AHSG: variants seen among roughly 807,000 people sequenced by gnomAD.
AHSG encodes the protein alpha-2-HS-glycoprotein.
AHSG carries 23 observed loss-of-function variants against 30.1 expected under a neutral mutation model. That is an observed-to-expected ratio of 0.76 (90% CI 0.55 to 1.08). AHSG has a LOEUF of 1.08. Among genes scored for constraint, AHSG ranks in the 50% least tolerant of loss-of-function variants. The pLI, the probability that AHSG is intolerant of heterozygous loss-of-function variation, is 0.00. For synonymous variants in AHSG, 164 were observed against 186.3 expected (o/e 0.88, Z 0.98); for missense variants, 469 against 459.5 (o/e 1.02, Z -0.19).
rs760347617 is a variant in AHSG, at chr3:186,620,580, T to G, written c.760-6T>G. 6.3e-7 allele frequency: 1 copy of G among 1,585,254 alleles called. No individual in the cohort carries two copies. Among genetic ancestry groups the G allele is most frequent in the Non-Finnish European group, 8.6e-7 (1 of 1,159,884 alleles). On this transcript the variant is annotated splice_polypyrimidine_tract_variant and splice_region_variant and intron_variant, in intron 6 of 6. Transcript: ENST00000411641. ...AACTAACTGAAGGAAATGGTCCTTTTTCCAGCCCGTGAGCTCACAGCCCCA... is the reference window on the plus strand; with the variant it reads ...AACTAACTGAAGGAAATGGTCCTTTGTCCAGCCCGTGAGCTCACAGCCCCA...
At chr3:186,618,035 CT>C (rs1189285809) in intron 4 of AHSG, 1 of 158,300 alleles carries the variant, frequency 6.3e-6, no homozygotes, top group East Asian at 1.8e-4. Flanking sequence ...GCTCCAACTA[CT>C]TTAAAAAAGA....
rs750484262 is a variant in AHSG at position 186,613,272 on chromosome 3, C to T, written c.131C>T (p.Ala44Val). 8 of 1,614,046 alleles carry T rather than the reference C, an allele frequency of 5.0e-6. No homozygotes were observed. The change falls in exon 1 of 7, where the codon GCT (alanine) becomes GTT (valine). Residue 44 changes from alanine (A) to valine (V), a missense_variant. By Grantham distance (64) the Ala-to-Val change is moderately conservative. Coordinates refer to ENST00000411641, the MANE Select transcript of AHSG (RefSeq NM_001622.4). ...DPETEEAALVAIDYINQNLPW... is the reference protein window; with the variant it reads ...DPETEEAALVVIDYINQNLPW... ...GAAACTGAGGAAGCAGCTCTGGTGG[C>T]TATAGACTACATCAATCAAAACCTT... is the stretch of plus-strand genomic sequence containing the variant.
chr3:186,615,711 T>C lies in AHSG; in HGVS notation c.240T>C (p.Ile80=). 1.2e-6 allele frequency: 2 copies of C among 1,614,236 alleles called. No homozygotes were observed. Among genetic ancestry groups the C allele is most frequent in the African/African-American group, 1.3e-5 (1 of 75,062 alleles). ...PQQPSGELFE[I]EIDTLETTCH... is the part of the protein sequence containing the mutation. ...AGCCCTCCGGAGAGCTGTTTGAGAT[T>C]GAAATAGACACCCTGGAAACCACCT... The change falls in exon 2 of 7, where the codon ATT becomes ATC. Residue 80 remains isoleucine (I), a synonymous_variant. Transcript: ENST00000411641.
At position 186,613,196 on chromosome 3, in the gene AHSG, G is replaced by A; in HGVS notation, c.55G>A (p.Ala19Thr). ...CLAQLWGCHS[A>T]PHGPGLIYRQ... ...TGCTCAGCTCTGGGGCTGCCACTCA[G>A]CCCCACATGGCCCAGGGCTGATTTA... Residue 19 changes from alanine (A) to threonine (T), a missense_variant, in exon 1 of 7, where the codon GCC becomes ACC. Physicochemically the swap from Ala to Thr is moderately conservative, Grantham distance 58. Coordinates refer to ENST00000411641, the MANE Select transcript of AHSG (RefSeq NM_001622.4). The A allele has an allele frequency of 1.2e-6, 2 of 1,614,056 alleles. No individual in the cohort carries two copies. The highest frequency in any genetic ancestry group is 1.7e-6 in the Non-Finnish European group (2 of 1,179,996).
intron 1 of AHSG, among the ~76,000 whole-genome samples, chr3:186,614,269 C>A (rs1323080958): frequency 3.9e-5 from 6 of 152,162 alleles, no homozygotes; most frequent in Non-Finnish European, 7.3e-5. Flanking sequence ...GTATTACAAG[C>A]CTTCCTTGGA....
At chr3:186,615,166 A>G (rs1716259938) in intron 1 of AHSG, among the ~76,000 whole-genome samples, 1 of 152,022 alleles carries the variant, frequency 6.6e-6, no homozygotes, top group African/African-American at 2.4e-5. Context: ...GAAGGAAGGA[A>G]AGCAAATAAT....
At chr3:186,618,242 G>A (rs764296958) in intron 4 of AHSG, among the ~76,000 whole-genome samples, 8 of 152,152 alleles carry the variant, frequency 5.3e-5, no homozygotes, top group Non-Finnish European at 1.2e-4. Context: ...GTCTAATGCT[G>A]GCCTTCTGAT....
rs149819140 is a variant in AHSG at position 186,619,957 on chromosome 3, T to C, written c.759+17T>C. ...CAAACACAGGTAACAGCTCCGTGAA[T>C]ATTCTTGCCTACACCTTCAGAATAC... On this transcript the variant is annotated intron_variant, in intron 6 of 6. Coordinates refer to ENST00000411641, the MANE Select transcript of AHSG (RefSeq NM_001622.4). 2.2e-3 allele frequency: 3,454 copies of C among 1,591,006 alleles called. 3 individuals carry two copies. Among genetic ancestry groups the C allele is most frequent in the Non-Finnish European group, 2.8e-3 (3,320 of 1,165,558 alleles).
At chr3:186,615,857 G>T in intron 2 of AHSG, 62 bp downstream of exon 2, 1 of 1,460,768 alleles carries the variant, frequency 6.8e-7, no homozygotes, top group South Asian at 1.1e-5. Flanking sequence ...GATTCACCCA[G>T]CGTCTCAGCC....
chr3:186,614,563 G>A (rs548505157), intron 1 of AHSG, among the ~76,000 whole-genome samples: 1 of 152,216 alleles, frequency 6.6e-6, no homozygotes, highest in Non-Finnish European at 1.5e-5. Context: ...GCACAGTGGT[G>A]GTTAGGAGGA....
At chr3:186,615,604 C>A in intron 1 of AHSG, 81 bp from the exon 2 acceptor site, 1 of 1,139,024 alleles carries the variant, frequency 8.8e-7, no homozygotes, top group Non-Finnish European at 1.3e-6. Flanking sequence ...TGCTCTCAAG[C>A]CCAATGAGGG....
Position 186,615,164 on chromosome 3 carries a change from G to A in AHSG, c.214-521G>A, listed in dbSNP as rs529033350. Among the ~76,000 whole-genome samples, 500 of 151,708 alleles carry A rather than the reference G, an allele frequency of 3.3e-3. 5 individuals are homozygous for A. The highest frequency in any genetic ancestry group is 0.011 in the African/African-American group (475 of 41,374). On this transcript the variant is annotated intron_variant, in intron 1 of 6. Transcript: ENST00000411641. ...GGGAAAAGAAAACGGAGGAAGGAAG[G>A]AAAGCAAATAATGAAAAGGAAGAAA...
At position 186,613,337 on chromosome 3, in the gene AHSG, G is replaced by A; in HGVS notation, c.196G>A (p.Val66Ile). Residue 66 changes from valine (V) to isoleucine (I), a missense_variant, in exon 1 of 7, where the codon GTA becomes ATA. Physicochemically the swap from Val to Ile is conservative, Grantham distance 29. Transcript: ENST00000411641. Reference sequence around the variant, plus strand: ...ACACACCTTGAACCAGATTGATGAAGTAAAGGTGTGGCCTCAGGTAAGTGG... The same window carrying A: ...ACACACCTTGAACCAGATTGATGAAATAAAGGTGTGGCCTCAGGTAAGTGG... ...YKHTLNQIDE[V>I]KVWPQQPSGE... 1 of 1,613,518 alleles carries A rather than the reference G, an allele frequency of 6.2e-7. No homozygotes were observed. Among genetic ancestry groups the A allele is most frequent in the Non-Finnish European group, 8.5e-7 (1 of 1,179,648 alleles).
At position 186,621,241 on chromosome 3, in the gene AHSG, G is replaced by T; in HGVS notation, c.*311G>T. 1 of 348,830 alleles carries T rather than the reference G, an allele frequency of 2.9e-6. No homozygotes were observed. Among genetic ancestry groups the T allele is most frequent in the Non-Finnish European group, 5.4e-6 (1 of 186,776 alleles). The allele number at this position is 348,830 out of a possible 1,614,324, so 21.6% of individuals were successfully genotyped here. ...CATTGGAACTGTGACTTTGAAAGGT[G>T]CTCTTGCTAAGCTTATATGTGCCTG... On this transcript the variant is annotated 3_prime_UTR_variant, in exon 7 of 7. Transcript: ENST00000411641.
At chr3:186,617,006 C>T (rs1435201224) in intron 3 of AHSG, among the ~76,000 whole-genome samples, 181 bp from the exon 4 acceptor site, 2 of 152,192 alleles carry the variant, frequency 1.3e-5, no homozygotes, top group Non-Finnish European at 2.9e-5. Flanking sequence ...AAAATTGCCT[C>T]GTGATGATAA....
In AHSG at chr3:186,616,670, A is replaced by T. The variant is rs142477382; in HGVS notation, c.409+143A>T. On this transcript the variant is annotated intron_variant, in intron 3 of 6. Coordinates refer to ENST00000411641, the MANE Select transcript of AHSG (RefSeq NM_001622.4). Reference sequence around the variant, plus strand: ...AAATTTCCTGGGTTCTGGGATTTTTAAAATTGTGTTTTAAGAAGCTACTCT... The same window carrying T: ...AAATTTCCTGGGTTCTGGGATTTTTTAAATTGTGTTTTAAGAAGCTACTCT... The T allele has an allele frequency of 6.5e-4, 495 of 766,932 alleles. 4 individuals carry two copies. In the African/African-American group the frequency reaches 7.3e-3, roughly 11 times the overall value. The allele number at this position is 766,932 out of a possible 1,614,324, so 47.5% of individuals were successfully genotyped here.
In AHSG at chr3:186,620,570, A is replaced by G. The variant is rs1716449522; in HGVS notation, c.760-16A>G. The G allele has an allele frequency of 1.3e-6, 2 of 1,576,472 alleles. No individual in the cohort carries two copies. The highest frequency in any genetic ancestry group is 1.7e-6 in the Non-Finnish European group (2 of 1,155,364). ...GGAGGAAGCAAACTAACTGAAGGAA[A>G]TGGTCCTTTTTCCAGCCCGTGAGCT... On this transcript the variant is annotated splice_polypyrimidine_tract_variant and intron_variant, in intron 6 of 6. Transcript: ENST00000411641.
chr3:186,620,346 C>T (rs1900618), intron 6 of AHSG, among the ~76,000 whole-genome samples: 100,491 of 151,970 alleles, frequency 0.66, 33,420 homozygotes, highest in Middle Eastern at 0.84. Context: ...TGGACATATG[C>T]GTGTAAGTCC....
Position 186,615,676 on chromosome 3 carries a change from T to C in AHSG, c.214-9T>C. On this transcript the variant is annotated splice_polypyrimidine_tract_variant and intron_variant, in intron 1 of 6. Coordinates refer to ENST00000411641, the MANE Select transcript of AHSG (RefSeq NM_001622.4). ...AGGTTGCTCACGGCTTCACTCTTTG[T>C]CTCCACAGCAGCCCTCCGGAGAGCT... 1 of 1,612,460 alleles carries C rather than the reference T, an allele frequency of 6.2e-7. No homozygotes were observed. Among genetic ancestry groups the C allele is most frequent in the Non-Finnish European group, 8.5e-7 (1 of 1,178,444 alleles).
Sources: allele counts gnomAD v4.1 joint callset (sites outside exome capture counted in the v4.1 genomes callset), GRCh38; gene constraint gnomAD v4.1.1; transcripts MANE v1.5; gene names NCBI Gene and HGNC (gene_info 2026-07-23, HGNC 2026-07-21).